Variants in USH2A observed in about 807,000 individuals in gnomAD.
USH2A encodes the protein Usher syndrome 2A (autosomal recessive, mild).
A neutral mutation model predicts 538.9 loss-of-function variants in USH2A; 443 were observed. The observed-to-expected ratio is 0.82, with a 90% confidence interval of 0.76 to 0.89. USH2A has a LOEUF of 0.89. USH2A is among the 40% of genes least tolerant of loss of function. USH2A has a pLI of 0.00. For missense variants in USH2A, 6,633 were observed against 6,324.8 expected (o/e 1.05, Z -1.65); for synonymous variants, 2,413 against 2,273.5 (o/e 1.06, Z -1.75).
At chr1:215,968,752 A>T (rs1175071119) in intron 36 of USH2A, among the ~76,000 whole-genome samples, 1 of 152,204 alleles carries the variant, frequency 6.6e-6, no homozygotes, top group East Asian at 1.9e-4. Context: ...ATATTTAAAA[A>T]TAGAAATGAT....
intron 30 of USH2A, among the ~76,000 whole-genome samples, chr1:216,064,902 A>G (rs796205970): frequency 5.9e-5 from 9 of 152,320 alleles, no homozygotes; most frequent in African/African-American, 2.2e-4. Flanking sequence ...TCCTTTAGCA[A>G]TGCATGACTG....
At chr1:216,302,408 A>G (rs1214491961) in intron 9 of USH2A, among the ~76,000 whole-genome samples, 3 of 152,206 alleles carry the variant, frequency 2.0e-5, no homozygotes, top group Non-Finnish European at 4.4e-5. Flanking sequence ...TTCAATTGGA[A>G]AAGCCAAAAC....
intron 15 of USH2A, among the ~76,000 whole-genome samples, chr1:216,211,329 C>T (rs903984870): frequency 6.6e-6 from 1 of 152,118 alleles, no homozygotes; most frequent in Non-Finnish European, 1.5e-5. Context: ...TGGGGGCAGC[C>T]TTGGGGACTG....
chr1:216,199,363 T>C (rs1194275528), intron 17 of USH2A, among the ~76,000 whole-genome samples: 1 of 152,222 alleles, frequency 6.6e-6, no homozygotes, highest in African/African-American at 2.4e-5. Context: ...ATTTGTGTTA[T>C]GGCAGATGTC....
chr1:216,401,076 G>A (rs1450153520), intron 3 of USH2A, among the ~76,000 whole-genome samples: 3 of 151,976 alleles, frequency 2.0e-5, no homozygotes, highest in Non-Finnish European at 2.9e-5. Flanking sequence ...AATATTTCAC[G>A]GTTGAAGCAA....
At chr1:216,336,333 G>T (rs553562068) in intron 4 of USH2A, among the ~76,000 whole-genome samples, 3 of 151,272 alleles carry the variant, frequency 2.0e-5, no homozygotes, top group Admixed American at 6.6e-5. Flanking sequence ...TTTTCCCTAA[G>T]ATCAGGAACA....
At chr1:216,285,101 A>T (rs1429334651) in intron 11 of USH2A, among the ~76,000 whole-genome samples, 1 of 152,240 alleles carries the variant, frequency 6.6e-6, no homozygotes, top group East Asian at 1.9e-4. Flanking sequence ...TTGGCTGCAG[A>T]AATTTGCATA....
chr1:215,999,139 C>T (rs1668206999), intron 33 of USH2A, 81 bp from the exon 34 acceptor site: 1 of 1,222,710 alleles, frequency 8.2e-7, no homozygotes. Context: ...CACATTTGAA[C>T]TTGGATTTGT....
intron 9 of USH2A, among the ~76,000 whole-genome samples, chr1:216,311,727 C>T (rs760209933): frequency 6.6e-6 from 1 of 151,994 alleles, no homozygotes; most frequent in Non-Finnish European, 1.5e-5. Context: ...CTTGAACTAT[C>T]AAGACAAAAT....
intron 35 of USH2A, among the ~76,000 whole-genome samples, chr1:215,972,185 T>C (rs1045130146): frequency 1.3e-5 from 2 of 152,124 alleles, no homozygotes; most frequent in Non-Finnish European, 2.9e-5. Context: ...GGAGGCACTG[T>C]GAGGAGGACA....
intron 64 of USH2A, among the ~76,000 whole-genome samples, chr1:215,669,291 A>G (rs1657735284): frequency 6.6e-6 from 1 of 152,208 alleles, no homozygotes; most frequent in Non-Finnish European, 1.5e-5. Flanking sequence ...ACACTTCTCA[A>G]TAAAGGTAAT....
intron 41 of USH2A, among the ~76,000 whole-genome samples, chr1:215,881,272 C>G (rs1254284343): frequency 2.0e-5 from 3 of 152,164 alleles, no homozygotes; most frequent in Admixed American, 6.6e-5. Context: ...CCCTGAGTGG[C>G]TAGGAGTATA....
rs760397666 is a variant in USH2A at position 215,993,080 on chromosome 1, C to T, written c.6745G>A (p.Ala2249Thr). The change falls in exon 35 of 72, where the codon GCC becomes ACC. Residue 2249 changes from alanine (A) to threonine (T), a missense_variant. Ala to Thr is a moderately conservative substitution (Grantham distance 58, BLOSUM62 0). Coordinates refer to ENST00000307340, the MANE Select transcript of USH2A (RefSeq NM_206933.4). ...AAGGAGTCAGGTGAATATGAGTGGGCTTTGGGGGCTGGCACGCCTTCGGGT... is the reference window on the plus strand; with the variant it reads ...AAGGAGTCAGGTGAATATGAGTGGGTTTTGGGGGCTGGCACGCCTTCGGGT... ...DIPEGVPAPK[A>T]HSYSPDSFNV... The T allele has an allele frequency of 6.2e-7, 1 of 1,614,068 alleles. No individual in the cohort carries two copies. The highest frequency in any genetic ancestry group is 2.2e-5 in the East Asian group (1 of 44,864).
intron 32 of USH2A, among the ~76,000 whole-genome samples, chr1:216,012,770 G>T (rs1347033313): frequency 1.3e-5 from 2 of 152,120 alleles, no homozygotes; most frequent in Non-Finnish European, 2.9e-5. Flanking sequence ...CAGAAGTCAG[G>T]CCTGTCCTCG....
Position 216,159,759 on chromosome 1 carries a change from T to A in USH2A, c.4627+15493A>T, listed in dbSNP as rs554491673. On this transcript the variant is annotated intron_variant, in intron 21 of 71. Coordinates refer to ENST00000307340, the MANE Select transcript of USH2A (RefSeq NM_206933.4). ...TATTATTTCTACTGTAATTGTTTGA[T>A]GAAATCCACCAATCGGGCCACCTTC... Among the ~76,000 whole-genome samples, 4 of 152,258 alleles carry A rather than the reference T, an allele frequency of 2.6e-5. No homozygotes were observed. In the South Asian group the frequency reaches 8.3e-4, roughly 32 times the overall value.
chr1:215,639,313 C>A, intron 68 of USH2A, 75 bp from the exon 69 acceptor site: 1 of 1,364,454 alleles, frequency 7.3e-7, no homozygotes, highest in Non-Finnish European at 1.0e-6. Context: ...TTTAAAAGAG[C>A]AATGCATCAT....
intron 30 of USH2A, among the ~76,000 whole-genome samples, chr1:216,069,178 C>T (rs1044944923): frequency 6.6e-6 from 1 of 152,080 alleles, no homozygotes; most frequent in Non-Finnish European, 1.5e-5. Context: ...TGTGAAAAGG[C>T]AAGCTGTGGG....
chr1:216,200,831 T>C (rs1215287394), intron 16 of USH2A, among the ~76,000 whole-genome samples: 1 of 152,100 alleles, frequency 6.6e-6, no homozygotes, highest in African/African-American at 2.4e-5. Context: ...AACACACAAA[T>C]ACCAGAGTGG....
chr1:215,691,133 C>T (rs147100168), intron 61 of USH2A, among the ~76,000 whole-genome samples: 2,134 of 152,218 alleles, frequency 0.014, 75 homozygotes, highest in East Asian at 0.092. Flanking sequence ...GTGCCCTCCT[C>T]GGCCTCCCAA....
Sources: gnomAD v4.1 joint callset for allele counts (sites outside exome capture counted in the v4.1 genomes callset) on GRCh38, gnomAD v4.1.1 for gene constraint, MANE v1.5 for transcripts, NCBI Gene and HGNC (gene_info 2026-07-23, HGNC 2026-07-21) for gene names.